The following CHST8 variants were observed in gnomAD, a reference collection of about 807,000 sequenced individuals.
CHST8 encodes the protein GALNAC-4-ST1.
Under a neutral mutation model 15.0 loss-of-function variants are expected in CHST8, and 10 were observed. The ratio of observed to expected loss-of-function variants is 0.67; its 90% CI spans 0.41 to 1.13. The LOEUF is 1.13. Ranked by LOEUF, CHST8 falls within the 50% of genes most tolerant of loss-of-function variation. CHST8 has a pLI of 0.00. For synonymous variants in CHST8, 259 were observed against 256.6 expected, an observed-to-expected ratio of 1.01 and a Z score of -0.09; for missense variants, 634 against 608.2, an observed-to-expected ratio of 1.04 and a Z score of -0.45.
At chr19:33,634,156 T>C (rs1972160874) in intron 1 of CHST8, among the ~76,000 whole-genome samples, 1 of 152,192 alleles carries the variant, frequency 6.6e-6, no homozygotes, top group East Asian at 1.9e-4. Context: ...GTCGTACTGA[T>C]GTTTCCACCT....
intron 3 of CHST8, among the ~76,000 whole-genome samples, chr19:33,695,448 G>A (rs1490147545): frequency 1.3e-5 from 2 of 152,136 alleles, no homozygotes; most frequent in African/African-American, 4.8e-5. Context: ...GGGGGTATAG[G>A]TGGTTTTTGG....
At chr19:33,698,213 GTTGTAGTTC>G (rs1453396943) in intron 3 of CHST8, among the ~76,000 whole-genome samples, 2 of 152,086 alleles carry the variant, frequency 1.3e-5, no homozygotes, top group Admixed American at 1.3e-4. Context: ...GAAGGCAGAG[GTTGTAGTTC>G]TTTTAAAAGA....
chr19:33,762,430 A>T (rs989339309), intron 3 of CHST8, among the ~76,000 whole-genome samples: 7 of 152,232 alleles, frequency 4.6e-5, no homozygotes, highest in Admixed American at 3.9e-4. Context: ...GGCTGAGCTG[A>T]CAGGAACCAC....
intron 3 of CHST8, among the ~76,000 whole-genome samples, chr19:33,760,720 A>G (rs987662349): frequency 6.6e-6 from 1 of 151,964 alleles, no homozygotes; most frequent in Non-Finnish European, 1.5e-5. Flanking sequence ...AAATGTCCTC[A>G]TTACCCTCAG....
chr19:33,632,196 G>A (rs1258645686), intron 1 of CHST8, among the ~76,000 whole-genome samples: 4 of 150,212 alleles, frequency 2.7e-5, no homozygotes, highest in Non-Finnish European at 5.9e-5. Context: ...CTGGAGTGCA[G>A]TGGTGCGATC....
intron 1 of CHST8, among the ~76,000 whole-genome samples, chr19:33,666,548 C>G (rs957178197): frequency 7.9e-5 from 12 of 152,008 alleles, no homozygotes; most frequent in South Asian, 2.1e-4. Flanking sequence ...CCGATGGAGC[C>G]CAGAGGCTGG....
At chr19:33,683,948 A>G (rs1446869668) in intron 2 of CHST8, among the ~76,000 whole-genome samples, 2 of 152,144 alleles carry the variant, frequency 1.3e-5, no homozygotes, top group African/African-American at 2.4e-5. Flanking sequence ...ATGCAGAATG[A>G]CTGTCCCCTG....
rs1568358486 is a variant in CHST8, at chr19:33,757,458, GAA to G, written c.131-13953_131-13952del. 1.7e-3 allele frequency among the ~76,000 whole-genome samples: 61 copies of G among 36,738 alleles called. 10 individuals are homozygous for G. Among genetic ancestry groups the G allele is most frequent in the Non-Finnish European group, 2.9e-3 (52 of 17,926 alleles). The allele number at this position is 36,738 out of a possible 152,430, so 24.1% of individuals were successfully genotyped here. Reference sequence around the variant, plus strand: ...AGAAAGAAAGAAAGAAAGAAAGAAAGAAAGAAAGAAAGAAAGAAAGAAAGAAA... The same window carrying G: ...AGAAAGAAAGAAAGAAAGAAAGAAAGAGAAAGAAAGAAAGAAAGAAAGAAA... On this transcript the variant is annotated intron_variant, in intron 3 of 4. Coordinates refer to ENST00000650847, the MANE Select transcript of CHST8 (RefSeq NM_001127895.2).
intron 1 of CHST8, among the ~76,000 whole-genome samples, chr19:33,626,775 T>G (rs975298540): frequency 7.9e-6 from 1 of 126,538 alleles, no homozygotes; most frequent in Non-Finnish European, 1.8e-5. Context: ...TAAGCCGCTT[T>G]TTTTTTCCTT....
chr19:33,767,280 G>T (rs1974869782), intron 3 of CHST8, among the ~76,000 whole-genome samples: 1 of 152,234 alleles, frequency 6.6e-6, no homozygotes, highest in African/African-American at 2.4e-5. Context: ...ATGGCTCCTG[G>T]GCAGTGGGGA....
chr19:33,679,121 C>T (rs1291683210), intron 2 of CHST8, among the ~76,000 whole-genome samples: 3 of 152,244 alleles, frequency 2.0e-5, no homozygotes, highest in African/African-American at 7.2e-5. Flanking sequence ...TGTGTGTCTG[C>T]ACCCTGCCAG....
Position 33,772,297 on chromosome 19 carries a change from G to A in CHST8, c.509G>A (p.Ser170Asn). Residue 170 changes from serine (S) to asparagine (N), a missense_variant, in exon 5 of 5, where the codon AGC (serine) becomes AAC (asparagine). Physicochemically the swap from Ser to Asn is conservative, Grantham distance 46. Coordinates refer to ENST00000650847, the MANE Select transcript of CHST8 (RefSeq NM_001127895.2). ...GAGGCCTGCGCCAAGTACCGGGCGA[G>A]CAGCAGCCGCCGGGCCGTCACGCCC... Reference protein sequence around the residue: ...MQEACAKYRASSSRRAVTPRH... With the variant: ...MQEACAKYRANSSRRAVTPRH... 6.2e-7 allele frequency: 1 copy of A among 1,602,644 alleles called. No homozygotes were observed. Among genetic ancestry groups the A allele is most frequent in the East Asian group, 2.2e-5 (1 of 44,836 alleles).
chr19:33,745,578 A>G (rs1190365567), intron 3 of CHST8, among the ~76,000 whole-genome samples: 1 of 152,184 alleles, frequency 6.6e-6, no homozygotes, highest in Non-Finnish European at 1.5e-5. Flanking sequence ...GAAGAAGTGC[A>G]GGAGGTGAAT....
chr19:33,719,128 G>A (rs868013150), intron 3 of CHST8, among the ~76,000 whole-genome samples: 2 of 152,116 alleles, frequency 1.3e-5, no homozygotes, highest in Non-Finnish European at 2.9e-5. Context: ...GAACTCAGGC[G>A]GGTGTCTACC....
intron 2 of CHST8, among the ~76,000 whole-genome samples, chr19:33,681,482 C>T (rs1329860734): frequency 6.8e-6 from 1 of 147,556 alleles, no homozygotes; most frequent in African/African-American, 2.5e-5. Flanking sequence ...GGGGCACAGC[C>T]CTGGCAGCCT....
chr19:33,741,870 C>T (rs562540947), intron 3 of CHST8, among the ~76,000 whole-genome samples: 1 of 152,198 alleles, frequency 6.6e-6, no homozygotes, highest in South Asian at 2.1e-4. Flanking sequence ...GGGGTTTTGC[C>T]AGCTGTCACA....
chr19:33,680,134 A>G (rs2145243500), intron 2 of CHST8, among the ~76,000 whole-genome samples: 1 of 152,348 alleles, frequency 6.6e-6, no homozygotes. Context: ...CCATCTCGGT[A>G]TCTCCTTACA....
At chr19:33,720,804 C>T (rs1482457002) in intron 3 of CHST8, among the ~76,000 whole-genome samples, 4 of 152,374 alleles carry the variant, frequency 2.6e-5, no homozygotes, top group East Asian at 3.9e-4. Context: ...GCAGTTCCTT[C>T]CCCTTGCAGG....
chr19:33,657,083 T>A (rs2145217096), intron 1 of CHST8, among the ~76,000 whole-genome samples: 1 of 151,760 alleles, frequency 6.6e-6, no homozygotes, highest in South Asian at 2.1e-4. Context: ...ATTTTGATGG[T>A]GGATTTGTTA....
Sources: gnomAD v4.1 joint callset for allele counts (sites outside exome capture counted in the v4.1 genomes callset) on GRCh38, gnomAD v4.1.1 for gene constraint, MANE v1.5 for transcripts, NCBI Gene and HGNC (gene_info 2026-07-23, HGNC 2026-07-21) for gene names.